The following POC1B variants were observed in gnomAD, a reference collection of about 807,000 sequenced individuals.
POC1B encodes POC1 centriolar protein homolog B.
In POC1B, 44 loss-of-function variants were observed where a neutral mutation model predicts 60.6. The ratio of observed to expected loss-of-function variants is 0.73; its 90% CI spans 0.57 to 0.93. POC1B has a LOEUF of 0.93. Ranked by LOEUF, POC1B falls within the 40% of genes least tolerant of loss-of-function variation. The probability of loss-of-function intolerance (pLI) is 0.00; values close to 1 mark genes in which losing one functional copy is unlikely to be tolerated. For missense variants in POC1B, 555 were observed against 572.3 expected (o/e 0.97, Z 0.31); for synonymous variants, 180 against 198.9 (o/e 0.90, Z 0.80).
At chr12:89,467,742 A>C in intron 7 of POC1B, 57 bp from the exon 8 acceptor site, 1 of 1,347,980 alleles carries the variant, frequency 7.4e-7, no homozygotes. Flanking sequence ...TCTCATGGCC[A>C]AGAAGACTAT....
chr12:89,446,951 C>T (rs1881816817), intron 10 of POC1B, among the ~76,000 whole-genome samples: 1 of 152,098 alleles, frequency 6.6e-6, no homozygotes, highest in Non-Finnish European at 1.5e-5. Flanking sequence ...AAAACATATT[C>T]ACAAACATAC....
At chr12:89,422,867 C>A (rs1880601324) in intron 11 of POC1B, among the ~76,000 whole-genome samples, 1 of 152,056 alleles carries the variant, frequency 6.6e-6, no homozygotes, top group Admixed American at 6.5e-5. Context: ...TTGAATGCAA[C>A]CAATTTTTAA....
At chr12:89,443,703 C>A (rs1881636571) in intron 10 of POC1B, among the ~76,000 whole-genome samples, 1 of 151,216 alleles carries the variant, frequency 6.6e-6, no homozygotes, top group African/African-American at 2.4e-5. Flanking sequence ...ACTAGAGAAG[C>A]AAGAGCAAAC....
intron 3 of POC1B, 118 bp from the exon 4 acceptor site, chr12:89,492,233 A>G: frequency 1.2e-6 from 1 of 806,314 alleles, no homozygotes; most frequent in Non-Finnish European, 1.8e-6. Context: ...TAACTCTTGT[A>G]AAACCTAACA....
intron 2 of POC1B, chr12:89,524,121 G>C: frequency 6.2e-7 from 1 of 1,614,012 alleles, no homozygotes; most frequent in Non-Finnish European, 8.5e-7. Flanking sequence ...CTTCGTTATA[G>C]AAAGCAATGA....
intron 2 of POC1B, among the ~76,000 whole-genome samples, chr12:89,510,350 G>A (rs1466610018): frequency 2.0e-5 from 3 of 152,194 alleles, no homozygotes; most frequent in Admixed American, 2.0e-4. Context: ...GAAGTGCTCA[G>A]AGAGATTTCC....
Position 89,489,820 on chromosome 12 carries a change from A to G in POC1B, c.452+2116T>C, listed in dbSNP as rs574748620. On this transcript the variant is annotated intron_variant, in intron 4 of 11. Coordinates refer to ENST00000313546, the MANE Select transcript of POC1B (RefSeq NM_172240.3). ...TCCCCTATCCCCATGCCTAGAACAT[A>G]TGTTTGTATGACCCCTCCTTCTTAG... is the stretch of plus-strand genomic sequence containing the variant. 2.2e-4 allele frequency among the ~76,000 whole-genome samples: 34 copies of G among 152,246 alleles called. No individual in the cohort carries two copies. In the East Asian group the frequency reaches 6.0e-3, roughly 27 times the overall value.
rs1234376271 is a variant in POC1B at position 89,472,335 on chromosome 12, C to T, written c.453-60G>A. The T allele has an allele frequency of 7.6e-6, 8 of 1,048,724 alleles. No homozygotes were observed. In the African/African-American group the frequency reaches 1.3e-4, roughly 17 times the overall value. The allele number at this position is 1,048,724 out of a possible 1,614,324, so 65.0% of individuals were successfully genotyped here. On this transcript the variant is annotated intron_variant, in intron 4 of 11. Transcript: ENST00000313546. ...AAGGCTCTGGAGAGTCACCACCTCA[C>T]CTCTACACCACAAATAAACCAGGCT...
At chr12:89,517,108 T>TC (rs1380088676) in intron 2 of POC1B, among the ~76,000 whole-genome samples, 6 of 152,070 alleles carry the variant, frequency 3.9e-5, no homozygotes, top group African/African-American at 1.4e-4. Context: ...TATCTCTACC[T>TC]CCCCCTACAG....
chr12:89,520,680 A>AT (rs1870773884), intron 2 of POC1B: 2 of 152,190 alleles, frequency 1.3e-5, no homozygotes, highest in Admixed American at 1.3e-4. Context: ...ATTTTTTGAA[A>AT]TGGTTATCCT....
chr12:89,476,759 T>TAGATAGATAGATAGACAGACAGAC (rs1485211003), intron 4 of POC1B, among the ~76,000 whole-genome samples: 13 of 58,648 alleles, frequency 2.2e-4, no homozygotes, highest in African/African-American at 5.2e-4. Flanking sequence ...GATAGATAGA[T>TAGATAGATAGATAGACAGACAGAC]AGACAGACAG....
At chr12:89,466,245 T>A (rs1482511306) in intron 9 of POC1B, among the ~76,000 whole-genome samples, 1 of 152,340 alleles carries the variant, frequency 6.6e-6, no homozygotes, top group South Asian at 2.1e-4. Flanking sequence ...TCATAGGACC[T>A]AAGGGAATTT....
At chr12:89,483,603 C>T (rs1868469496) in intron 4 of POC1B, among the ~76,000 whole-genome samples, 3 of 152,144 alleles carry the variant, frequency 2.0e-5, no homozygotes, top group South Asian at 4.1e-4. Flanking sequence ...TTTTAATACC[C>T]TCACCTTTGG....
At chr12:89,501,998 A>T (rs992910446) in intron 2 of POC1B, 1 of 964,648 alleles carries the variant, frequency 1.0e-6, no homozygotes, top group Admixed American at 1.7e-5. Flanking sequence ...AAAAATCTGG[A>T]TTGTTCTAGA....
rs569844534 is a variant in POC1B at position 89,503,924 on chromosome 12, A to C, written c.101-6582T>G. Among the ~76,000 whole-genome samples, 127 of 145,274 alleles carry C rather than the reference A, an allele frequency of 8.7e-4. 2 individuals carry two copies. The highest frequency in any genetic ancestry group is 3.1e-3 in the African/African-American group (121 of 38,668). ...GAAGTGAGGAGCCCCTCCGCCCCGC[A>C]GCCACCCTGTCTGGGAAGTGAGGAG... On this transcript the variant is annotated intron_variant, in intron 2 of 11. Coordinates refer to ENST00000313546, the MANE Select transcript of POC1B (RefSeq NM_172240.3).
chr12:89,452,544 A>C (rs1436605595), intron 10 of POC1B, among the ~76,000 whole-genome samples: 1 of 152,212 alleles, frequency 6.6e-6, no homozygotes, highest in African/African-American at 2.4e-5. Context: ...AAGAGTATCA[A>C]ATTTTTGGTA....
At chr12:89,515,947 T>C (rs1314499199) in intron 2 of POC1B, among the ~76,000 whole-genome samples, 1 of 152,198 alleles carries the variant, frequency 6.6e-6, no homozygotes, top group African/African-American at 2.4e-5. Flanking sequence ...CAAATTCCCC[T>C]GGCAAAAATC....
At chr12:89,427,619 T>C (rs1407692874) in intron 10 of POC1B, 1 of 152,284 alleles carries the variant, frequency 6.6e-6, no homozygotes, top group Admixed American at 6.5e-5. Flanking sequence ...GAGAATGGCT[T>C]GAGCCCAAGA....
chr12:89,522,203 G>A, intron 2 of POC1B: 1 of 398,608 alleles, frequency 2.5e-6, no homozygotes, highest in Non-Finnish European at 4.4e-6. Flanking sequence ...GGGTATGTCT[G>A]CATGTTAAAA....
Sources: gnomAD v4.1 joint callset for allele counts (sites outside exome capture counted in the v4.1 genomes callset) on GRCh38, gnomAD v4.1.1 for gene constraint, MANE v1.5 for transcripts, NCBI Gene and HGNC (gene_info 2026-07-23, HGNC 2026-07-21) for gene names.